CSMD1: variants seen among roughly 807,000 people sequenced by gnomAD.
CSMD1 encodes the protein CUB and Sushi multiple domains 1.
CSMD1 carries 213 observed loss-of-function variants against 417.5 expected under a neutral mutation model. The observed-to-expected ratio is 0.51, with a 90% CI of 0.46 to 0.57. CSMD1 has a LOEUF of 0.57. Among genes scored for constraint, CSMD1 ranks in the 20% least tolerant of loss-of-function variants. The probability of loss-of-function intolerance (pLI) is 0.00; values close to 1 mark genes in which losing one functional copy is unlikely to be tolerated. For synonymous variants in CSMD1, 2,862 were observed against 1,736.8 expected (o/e 1.65, Z -16.11); for missense variants, 6,923 against 4,529.7 (o/e 1.53, Z -15.17).
intron 1 of CSMD1, among the ~76,000 whole-genome samples, chr8:4,708,329 G>T (rs1295161602): frequency 1.3e-5 from 2 of 152,118 alleles, no homozygotes; most frequent in African/African-American, 2.4e-5. Flanking sequence ...TCCCTAGGTG[G>T]AATGTAAGCT....
At chr8:4,655,762 TA>T (rs1304946526) in intron 1 of CSMD1, among the ~76,000 whole-genome samples, 1 of 152,138 alleles carries the variant, frequency 6.6e-6, no homozygotes, top group East Asian at 1.9e-4. Context: ...ACACTAATAG[TA>T]TAATTTACGT....
intron 1 of CSMD1, among the ~76,000 whole-genome samples, chr8:4,950,110 T>TACA (rs1808640439): frequency 9.4e-6 from 1 of 106,864 alleles, no homozygotes; most frequent in African/African-American, 3.0e-5. Context: ...ATAGAAATGT[T>TACA]TCATATGATA....
chr8:3,566,362 G>A (rs1049400917), intron 10 of CSMD1, among the ~76,000 whole-genome samples: 2 of 152,100 alleles, frequency 1.3e-5, no homozygotes, highest in Non-Finnish European at 2.9e-5. Flanking sequence ...ATTTAAAGGT[G>A]GATAGAGTTA....
At chr8:4,107,802 G>A (rs1801644640) in intron 3 of CSMD1, among the ~76,000 whole-genome samples, 2 of 152,184 alleles carry the variant, frequency 1.3e-5, no homozygotes, top group South Asian at 2.1e-4. Flanking sequence ...TAACTGACAG[G>A]CAATCTGAGC....
At chr8:4,565,749 CATATATATATATATATAT>C (rs58696547) in intron 2 of CSMD1, among the ~76,000 whole-genome samples, 7,755 of 118,230 alleles carry the variant, frequency 0.066, 373 homozygotes, top group East Asian at 0.11. Context: ...AAAATATATA[CATATATATATATATATAT>C]ATATATATAT....
At chr8:3,221,072 G>A (rs561060503) in intron 28 of CSMD1, among the ~76,000 whole-genome samples, 1 of 152,098 alleles carries the variant, frequency 6.6e-6, no homozygotes, top group African/African-American at 2.4e-5. Context: ...TGTTCTAGGT[G>A]GCTCCACTTG....
intron 49 of CSMD1, among the ~76,000 whole-genome samples, chr8:3,063,320 T>C (rs149351167): frequency 0.012 from 1,831 of 152,132 alleles, 41 homozygotes; most frequent in African/African-American, 0.041. Context: ...AAAATAAGAA[T>C]AAAAACGATA....
intron 1 of CSMD1, among the ~76,000 whole-genome samples, chr8:4,722,239 T>C (rs189092838): frequency 3.9e-5 from 6 of 152,244 alleles, no homozygotes; most frequent in Admixed American, 3.9e-4. Context: ...AGTACACTTA[T>C]TTGACTATGC....
intron 26 of CSMD1, among the ~76,000 whole-genome samples, chr8:3,247,093 T>C (rs1799930788): frequency 6.6e-6 from 1 of 152,166 alleles, no homozygotes; most frequent in African/African-American, 2.4e-5. Context: ...ACAAATATGG[T>C]GAGAAGCTGC....
At chr8:4,599,073 C>A (rs1236584838) in intron 2 of CSMD1, among the ~76,000 whole-genome samples, 3 of 152,140 alleles carry the variant, frequency 2.0e-5, no homozygotes, top group Admixed American at 1.3e-4. Flanking sequence ...TGAACTAACT[C>A]TACACAAAGA....
chr8:4,801,386 T>C (rs115664466), intron 1 of CSMD1, among the ~76,000 whole-genome samples: 624 of 152,026 alleles, frequency 4.1e-3, no homozygotes, highest in African/African-American at 0.014. Flanking sequence ...AGATTCAAAG[T>C]GAGAGACACC....
At chr8:4,947,390 ATAAT>A (rs1190379869) in intron 1 of CSMD1, among the ~76,000 whole-genome samples, 2 of 150,800 alleles carry the variant, frequency 1.3e-5, no homozygotes, top group East Asian at 1.9e-4. Flanking sequence ...ATTCCCTAAA[ATAAT>A]TAATTATGTC....
intron 7 of CSMD1, among the ~76,000 whole-genome samples, chr8:3,693,932 T>C (rs1275857725): frequency 6.6e-6 from 1 of 151,540 alleles, no homozygotes; most frequent in Non-Finnish European, 1.5e-5. Context: ...TTTGTTATGG[T>C]GTGTGCGTCG....
At chr8:4,993,636 T>C (rs1397233715) in intron 1 of CSMD1, among the ~76,000 whole-genome samples, 1 of 152,144 alleles carries the variant, frequency 6.6e-6, no homozygotes, top group Non-Finnish European at 1.5e-5. Context: ...ACAGTGAATG[T>C]ATCTGACTTG....
chr8:3,326,312 A>G lies in CSMD1; in HGVS notation c.3631+16982T>C, dbSNP rs565333633. 2.2e-3 allele frequency among the ~76,000 whole-genome samples: 341 copies of G among 152,350 alleles called. 1 individual carries two copies. The highest frequency in any genetic ancestry group is 7.9e-3 in the African/African-American group (329 of 41,588). ...ACATTGAGTACATCAATTAAGCATC[A>G]TCTTGTGTCACTGTCTTTTCTTACA... On this transcript the variant is annotated intron_variant, in intron 23 of 69. Coordinates refer to ENST00000635120, the MANE Select transcript of CSMD1 (RefSeq NM_033225.6).
At chr8:3,965,037 G>T (rs1399528131) in intron 5 of CSMD1, among the ~76,000 whole-genome samples, 1 of 152,314 alleles carries the variant, frequency 6.6e-6, no homozygotes, top group South Asian at 2.1e-4. Flanking sequence ...TCTACACAAT[G>T]TGCTTGTAAA....
intron 10 of CSMD1, among the ~76,000 whole-genome samples, chr8:3,515,539 G>T (rs1481228911): frequency 6.6e-6 from 1 of 152,168 alleles, no homozygotes; most frequent in African/African-American, 2.4e-5. Context: ...TCAGGAGAAT[G>T]AGAAAGCAGG....
intron 5 of CSMD1, among the ~76,000 whole-genome samples, chr8:3,962,113 T>G (rs2140341): frequency 0.63 from 95,464 of 151,940 alleles, 30,488 homozygotes; most frequent in East Asian, 0.93. Context: ...AGCCAGGACC[T>G]TCCTCCTCTT....
At chr8:3,818,668 T>A (rs986414712) in intron 5 of CSMD1, among the ~76,000 whole-genome samples, 1 of 152,108 alleles carries the variant, frequency 6.6e-6, no homozygotes, top group South Asian at 2.1e-4. Flanking sequence ...ATGACAGCAA[T>A]GATGACCTTC....
Sources: gnomAD v4.1 joint callset for allele counts (sites outside exome capture counted in the v4.1 genomes callset) on GRCh38, gnomAD v4.1.1 for gene constraint, MANE v1.5 for transcripts, NCBI Gene and HGNC (gene_info 2026-07-23, HGNC 2026-07-21) for gene names.